The following ACADSB variants were observed in gnomAD, a reference collection of about 807,000 sequenced individuals.
ACADSB encodes short/branched chain specific acyl-CoA dehydrogenase, mitochondrial.
ACADSB carries 40 observed loss-of-function variants against 54.1 expected under a neutral mutation model. The observed-to-expected ratio is 0.74, with a 90% CI of 0.57 to 0.96. The LOEUF (loss-of-function observed/expected upper bound fraction) is 0.96, where lower values mean the gene tolerates loss of function less well. ACADSB is among the 40% of genes least tolerant of loss of function. The probability of loss-of-function intolerance (pLI) is 0.00; values close to 1 mark genes in which losing one functional copy is unlikely to be tolerated. For synonymous variants in ACADSB, 182 were observed against 182.8 expected, an observed-to-expected ratio of 1.00 and a Z score of 0.03; for missense variants, 530 against 510.4, an observed-to-expected ratio of 1.04 and a Z score of -0.37.
intron 1 of ACADSB, among the ~76,000 whole-genome samples, chr10:123,009,315 T>G (rs1258488404): frequency 6.6e-6 from 1 of 152,106 alleles, no homozygotes; most frequent in Non-Finnish European, 1.5e-5. Flanking sequence ...GCAAGTACCT[T>G]GAGTGGAGTC....
intron 8 of ACADSB, among the ~76,000 whole-genome samples, chr10:123,048,893 T>C (rs1850593831): frequency 6.6e-6 from 1 of 152,144 alleles, no homozygotes; most frequent in African/African-American, 2.4e-5. Context: ...CACGCCCAGC[T>C]AATTTTTTGT....
chr10:123,045,158 TA>T (rs1564752980), intron 7 of ACADSB, among the ~76,000 whole-genome samples: 264 of 15,430 alleles, frequency 0.017, 2 homozygotes, highest in African/African-American at 0.046. Context: ...TATATATATA[TA>T]TATATATATA....
rs533572485 is a variant in ACADSB, at chr10:123,035,158, G to A, written c.202+643G>A. Among the ~76,000 whole-genome samples, 14 of 152,168 alleles carry A rather than the reference G, an allele frequency of 9.2e-5. No homozygotes were observed. The South Asian group carries it at 1.0e-3, about 11-fold the overall frequency. ...TTTTTAGTACAGACGTGGTTTCACC[G>A]TGTTAGTCAGGATGGTCTCGATCTC... On this transcript the variant is annotated intron_variant, in intron 2 of 10. Coordinates refer to ENST00000358776, the MANE Select transcript of ACADSB (RefSeq NM_001609.4).
intron 1 of ACADSB, among the ~76,000 whole-genome samples, chr10:123,018,778 GT>G (rs1324124504): frequency 6.6e-6 from 1 of 152,190 alleles, no homozygotes. Flanking sequence ...CAAGAGAGAA[GT>G]GCAGGGGAAC....
chr10:123,051,553 G>A (rs889332060), intron 9 of ACADSB, among the ~76,000 whole-genome samples: 4 of 152,166 alleles, frequency 2.6e-5, no homozygotes, highest in Non-Finnish European at 2.9e-5. Flanking sequence ...AGGGTGTCAT[G>A]CCTATGGTGT....
At chr10:123,016,404 CAGTT>C (rs67614103) in intron 1 of ACADSB, among the ~76,000 whole-genome samples, 16,050 of 152,164 alleles carry the variant, frequency 0.11, 895 homozygotes, top group Middle Eastern at 0.17. Context: ...TATTTGAACA[CAGTT>C]AGAACACTCA....
In ACADSB at chr10:123,009,024, G is replaced by A. The variant is rs1269242953; in HGVS notation, c.-6G>A. ...GAGGCGCAGAGCGGAGAGGCCTGCG[G>A]CGAGGATGGAGGGCCTGGCAGTGCG... On this transcript the variant is annotated 5_prime_UTR_variant, in exon 1 of 11. Transcript: ENST00000358776. 1 of 1,547,978 alleles carries A rather than the reference G, an allele frequency of 6.5e-7. No homozygotes were observed. The highest frequency in any genetic ancestry group is 1.4e-5 in the African/African-American group (1 of 73,162).
At chr10:123,009,182 C>T (rs1341946768) in intron 1 of ACADSB, 111 bp downstream of exon 1, 14 of 1,210,728 alleles carry the variant, frequency 1.2e-5, no homozygotes, top group Non-Finnish European at 1.5e-5. Context: ...GAGCCCCGCT[C>T]CACGTCCTGG....
chr10:123,046,134 C>G (rs1229094695), intron 7 of ACADSB, among the ~76,000 whole-genome samples: 1 of 152,168 alleles, frequency 6.6e-6, no homozygotes, highest in Non-Finnish European at 1.5e-5. Flanking sequence ...ATCTCACAGC[C>G]AAGAGTGCAG....
At chr10:123,043,961 C>A (rs925482331) in intron 6 of ACADSB, among the ~76,000 whole-genome samples, 2 of 152,132 alleles carry the variant, frequency 1.3e-5, no homozygotes, top group African/African-American at 4.8e-5. Context: ...CACACATATA[C>A]CCCACCGTTG....
chr10:123,049,101 A>G (rs763965437), intron 8 of ACADSB, among the ~76,000 whole-genome samples: 1 of 152,236 alleles, frequency 6.6e-6, no homozygotes, highest in Non-Finnish European at 1.5e-5. Context: ...GAGACATGCT[A>G]TGTGAAATAA....
intron 4 of ACADSB, 49 bp from the exon 5 acceptor site, chr10:123,041,160 G>A: frequency 6.4e-7 from 1 of 1,558,622 alleles, no homozygotes; most frequent in Non-Finnish European, 8.9e-7. Flanking sequence ...TTGTTATACA[G>A]AGTATAAATA....
chr10:123,055,699 G>C lies in ACADSB; in HGVS notation c.*1934G>C, dbSNP rs773214904. 1 of 152,098 alleles carries C rather than the reference G, an allele frequency of 6.6e-6. No individual in the cohort carries two copies. The highest frequency in any genetic ancestry group is 2.1e-4 in the South Asian group (1 of 4,824). The allele number at this position is 152,098 out of a possible 1,614,324, so 9.4% of individuals were successfully genotyped here. ...AGATACAATGGGGGTACAGGTATTG[G>C]GTAAATACAGCCATTCCAAATGGGA... is the stretch of plus-strand genomic sequence containing the variant. On this transcript the variant is annotated 3_prime_UTR_variant, in exon 11 of 11. Coordinates refer to ENST00000358776, the MANE Select transcript of ACADSB (RefSeq NM_001609.4).
rs201096948 is a variant in ACADSB at position 123,034,355 on chromosome 10, G to A, written c.43-1G>A. 2.5e-6 allele frequency: 4 copies of A among 1,613,556 alleles called. No homozygotes were observed. In the African/African-American group the frequency reaches 5.3e-5, roughly 21 times the overall value. On this transcript the variant is annotated splice_acceptor_variant, in intron 1 of 10. Transcript: ENST00000358776. LOFTEE classifies it high-confidence loss of function. ...CTTTCATGTGTGTATGTTCCCTACA[G>A]CTAAGAAGAAATTTCCTGACTTGTT...
intron 10 of ACADSB, among the ~76,000 whole-genome samples, chr10:123,053,415 A>G (rs1417791966): frequency 6.6e-6 from 1 of 152,230 alleles, no homozygotes; most frequent in African/African-American, 2.4e-5. Context: ...GCCACAAATA[A>G]CAGTCTGAGC....
intron 1 of ACADSB, among the ~76,000 whole-genome samples, chr10:123,024,461 G>C (rs1850223063): frequency 6.6e-6 from 1 of 152,208 alleles, no homozygotes; most frequent in Non-Finnish European, 1.5e-5. Context: ...GTGTTTAGGT[G>C]CTGCCCACCA....
chr10:123,040,591 C>T lies in ACADSB; in HGVS notation c.429C>T (p.Asn143=), dbSNP rs886046777. ...ASVAVFCEIQ[N]TLINTLIRKH... is the part of the protein sequence containing the mutation. ...TGGCTGTCTTTTGTGAGATCCAGAA[C>T]ACATTAATTAACACACTGATTAGAA... Residue 143 remains asparagine (N), a synonymous_variant, in exon 4 of 11, where the codon AAC becomes AAT. Transcript: ENST00000358776. 9.9e-6 allele frequency: 16 copies of T among 1,614,038 alleles called. No individual in the cohort carries two copies. The highest frequency in any genetic ancestry group is 1.3e-5 in the Non-Finnish European group (15 of 1,179,972).
intron 1 of ACADSB, 124 bp downstream of exon 1, chr10:123,009,195 C>A: frequency 3.7e-6 from 4 of 1,095,066 alleles, no homozygotes; most frequent in South Asian, 1.4e-5. Context: ...CGTCCTGGGT[C>A]CCCAGACTCT....
rs1254918142 is a variant in ACADSB at position 123,057,124 on chromosome 10, C to T, written c.*3359C>T. ...GAGGTGGACTTTACAGATAATGGAG[C>T]AGAAGCCAACATTAGTAAAAGGAAT... On this transcript the variant is annotated 3_prime_UTR_variant, in exon 11 of 11. Transcript: ENST00000358776. 6.6e-6 allele frequency: 1 copy of T among 152,382 alleles called. No homozygotes were observed. The highest frequency in any genetic ancestry group is 1.5e-5 in the Non-Finnish European group (1 of 68,040). 9.4% of individuals were successfully genotyped at this position (152,382 alleles called of 1,614,324 possible).
Sources: gnomAD v4.1 joint callset for allele counts (sites outside exome capture counted in the v4.1 genomes callset) on GRCh38, gnomAD v4.1.1 for gene constraint, MANE v1.5 for transcripts, NCBI Gene and HGNC (gene_info 2026-07-23, HGNC 2026-07-21) for gene names.